The following MEX3C variants were observed in gnomAD, a reference collection of about 807,000 sequenced individuals.
MEX3C encodes the protein mex-3 RNA binding family member C.
MEX3C carries 15 observed loss-of-function variants against 35.5 expected under a neutral mutation model. The ratio of observed to expected loss-of-function variants is 0.42; its 90% CI spans 0.28 to 0.65. The LOEUF is 0.65. Ranked by LOEUF, MEX3C falls within the 30% of genes least tolerant of loss-of-function variation. MEX3C has a pLI of 0.20. For synonymous variants in MEX3C, 390 were observed against 352.8 expected, an observed-to-expected ratio of 1.11 and a Z score of -1.18; for missense variants, 711 against 842.8, an observed-to-expected ratio of 0.84 and a Z score of 1.94.
intron 1 of MEX3C, chr18:51,196,330 G>A: frequency 1.1e-6 from 1 of 904,012 alleles, no homozygotes; most frequent in Middle Eastern, 3.6e-4. Context: ...AACACCACCG[G>A]ACTGGGTCGC....
chr18:51,180,426 G>C (rs1912399606), intron 1 of MEX3C, among the ~76,000 whole-genome samples: 1 of 152,076 alleles, frequency 6.6e-6, no homozygotes, highest in South Asian at 2.1e-4. Flanking sequence ...TGTTTATTAG[G>C]TTTTGCAGAT....
At chr18:51,196,272 T>C in intron 1 of MEX3C, 1 of 540,208 alleles carries the variant, frequency 1.9e-6, no homozygotes. Flanking sequence ...CTGAGGTTTC[T>C]GGTGCCACGC....
chr18:51,197,273 G>GGCCGGGGCCGCC lies in MEX3C; in HGVS notation c.36_47dup (p.Ala13_Ala16dup). 1 of 845,450 alleles carries GGCCGGGGCCGCC rather than the reference G, an allele frequency of 1.2e-6. No individual in the cohort carries two copies. The highest frequency in any genetic ancestry group is 1.4e-6 in the Non-Finnish European group (1 of 704,822). 52.4% of individuals were successfully genotyped at this position (845,450 alleles called of 1,614,324 possible). The stretch of plus-strand genomic sequence containing the variant: ...GCGGCGGGGGCGGCTGCGGCAGGGG[G>GGCCGGGGCCGCC]GCCGGGGCCGCCGCCAGGGCCAGGG... On this transcript the variant is annotated inframe_insertion, in exon 1 of 2. Coordinates refer to ENST00000406189, the MANE Select transcript of MEX3C (RefSeq NM_016626.5).
intron 1 of MEX3C, among the ~76,000 whole-genome samples, chr18:51,189,937 A>G (rs1280916824): frequency 1.3e-5 from 2 of 152,218 alleles, no homozygotes; most frequent in African/African-American, 2.4e-5. Context: ...TACTAAAATG[A>G]CATTTTTTGG....
In MEX3C at chr18:51,176,807, A is replaced by C. The variant is rs142940707; in HGVS notation, c.1524T>G (p.Thr508=). 802 of 1,613,998 alleles carry C rather than the reference A, an allele frequency of 5.0e-4. 2 individuals carry two copies. Among genetic ancestry groups the C allele is most frequent in the Non-Finnish European group, 4.7e-4 (554 of 1,179,886 alleles). ...AFDSLPTSAQ[T]IWTPFEPVNP... ...TAACTGGTTCAAATGGAGTCCAGAT[A>C]GTTTGAGCAGATGTTGGTAAAGAGT... is the stretch of plus-strand genomic sequence containing the variant. The change falls in exon 2 of 2, where the codon ACT becomes ACG. Residue 508 remains threonine, a synonymous_variant. Coordinates refer to ENST00000406189, the MANE Select transcript of MEX3C (RefSeq NM_016626.5).
At chr18:51,191,130 CTG>C (rs1912641413) in intron 1 of MEX3C, among the ~76,000 whole-genome samples, 1 of 152,160 alleles carries the variant, frequency 6.6e-6, no homozygotes, top group African/African-American at 2.4e-5. Flanking sequence ...AGGAATGACA[CTG>C]TTTAGAATTC....
chr18:51,185,087 T>C (rs1292941413), intron 1 of MEX3C, among the ~76,000 whole-genome samples: 1 of 152,242 alleles, frequency 6.6e-6, no homozygotes, highest in African/African-American at 2.4e-5. Flanking sequence ...TTTTACAGTT[T>C]GGTGGGTCAG....
intron 1 of MEX3C, among the ~76,000 whole-genome samples, chr18:51,181,120 T>C (rs1912419330): frequency 6.6e-6 from 1 of 152,216 alleles, no homozygotes; most frequent in African/African-American, 2.4e-5. Flanking sequence ...AACTCGAAGA[T>C]ATTTTTAAAA....
rs1416222598 is a variant in MEX3C at position 51,176,645 on chromosome 18, GCTC to G, written c.1683_1685del (p.Arg561del). ...CATGGTTGCCTGTACTAGGTGGGTC[GCTC>G]CTAACCCTCCGAGCAAGTGGATGTT... On this transcript the variant is annotated inframe_deletion, in exon 2 of 2. Transcript: ENST00000406189. 6.2e-7 allele frequency: 1 copy of G among 1,613,872 alleles called. No homozygotes were observed. The highest frequency in any genetic ancestry group is 8.5e-7 in the Non-Finnish European group (1 of 1,179,902).
At chr18:51,189,386 T>C (rs11873588) in intron 1 of MEX3C, among the ~76,000 whole-genome samples, 66,103 of 151,882 alleles carry the variant, frequency 0.44, 15,094 homozygotes, top group East Asian at 0.57. Flanking sequence ...AAGCCTAAAA[T>C]TGTCCAGTTA....
chr18:51,196,647 A>C lies in MEX3C; in HGVS notation c.674T>G (p.Leu225Arg). 1.9e-6 allele frequency: 3 copies of C among 1,575,868 alleles called. No homozygotes were observed. Among genetic ancestry groups the C allele is most frequent in the Non-Finnish European group, 2.6e-6 (3 of 1,166,922 alleles). Residue 225 changes from leucine (L) to arginine (R), a missense_variant, in exon 1 of 2, where the codon CTC (leucine) becomes CGC (arginine). Leu to Arg is a moderately radical substitution (Grantham distance 102). Around this residue, in one of 4 missense-constraint regions of MEX3C, gnomAD observed 354 missense variants for 311.6 expected, o/e 1.14. Coordinates refer to ENST00000406189, the MANE Select transcript of MEX3C (RefSeq NM_016626.5). ...AALNGEQAAL[L>R]RRKSVNTTEC... The stretch of plus-strand genomic sequence containing the variant: ...GGTGGTGTTGACGCTCTTTCTCCGG[A>C]GCAGGGCCGCCTGCTCCCCGTTCAG...
intron 1 of MEX3C, among the ~76,000 whole-genome samples, chr18:51,186,920 AT>A (rs1387721831): frequency 6.6e-6 from 1 of 152,252 alleles, no homozygotes; most frequent in African/African-American, 2.4e-5. Context: ...TCACAACTGC[AT>A]TATGTGTATA....
At chr18:51,195,138 C>G (rs1163722092) in intron 1 of MEX3C, 1 of 152,224 alleles carries the variant, frequency 6.6e-6, no homozygotes, top group Non-Finnish European at 1.5e-5. Context: ...AGTGTTCTTA[C>G]ATGAATGGTC....
In MEX3C at chr18:51,177,407, GT is replaced by G. The variant is rs768313160; in HGVS notation, c.923del (p.Asn308ThrfsTer31). 1 of 1,613,926 alleles carries G rather than the reference GT, an allele frequency of 6.2e-7. No individual in the cohort carries two copies. The highest frequency in any genetic ancestry group is 8.5e-7 in the Non-Finnish European group (1 of 1,179,856). On this transcript the variant is annotated frameshift_variant, in exon 2 of 2. Coordinates refer to ENST00000406189, the MANE Select transcript of MEX3C (RefSeq NM_016626.5). LOFTEE classifies it high-confidence loss of function. This position sits in a 1 kb window ranked among gnomAD's most constrained non-coding sequence, Gnocchi z 4.2. ...EHFSMIRASR[N>X]KNGPALGGLS... Reference sequence around the variant, plus strand: ...ATCCTCCCAGGGCAGGCCCATTTTTGTTTCGAGATGCACGAATCATGGAGAA... The same window carrying G: ...ATCCTCCCAGGGCAGGCCCATTTTTGTTCGAGATGCACGAATCATGGAGAA...
chr18:51,181,522 G>T (rs1000905267), intron 1 of MEX3C, among the ~76,000 whole-genome samples: 2 of 152,164 alleles, frequency 1.3e-5, no homozygotes, highest in Non-Finnish European at 2.9e-5. Flanking sequence ...GTAAAGAGTG[G>T]GGAAAAGAAC....
rs1356741666 is a variant in MEX3C at position 51,177,616 on chromosome 18, T to C, written c.755-40A>G. 1.3e-6 allele frequency: 2 copies of C among 1,534,820 alleles called. No individual in the cohort carries two copies. The highest frequency in any genetic ancestry group is 2.6e-5 in the South Asian group (2 of 77,740). ...ACATTTCATAAGAATCAACATCTACTTCAATGATATATATAAAGACAAATC... is the reference window on the plus strand; with the variant it reads ...ACATTTCATAAGAATCAACATCTACCTCAATGATATATATAAAGACAAATC... On this transcript the variant is annotated intron_variant, in intron 1 of 1. Coordinates refer to ENST00000406189, the MANE Select transcript of MEX3C (RefSeq NM_016626.5). This position sits in a 1 kb window ranked among gnomAD's most constrained non-coding sequence, Gnocchi z 4.2.
At chr18:51,190,914 G>C (rs1912637469) in intron 1 of MEX3C, among the ~76,000 whole-genome samples, 1 of 152,096 alleles carries the variant, frequency 6.6e-6, no homozygotes, top group Non-Finnish European at 1.5e-5. Context: ...TAAGCTACTT[G>C]GGAAGCATTA....
At chr18:51,187,469 T>G (rs1912566380) in intron 1 of MEX3C, among the ~76,000 whole-genome samples, 1 of 152,190 alleles carries the variant, frequency 6.6e-6, no homozygotes, top group Non-Finnish European at 1.5e-5. Context: ...TTCGTTTGTT[T>G]TTTGCAAAGA....
At chr18:51,189,583 A>C (rs1191711390) in intron 1 of MEX3C, among the ~76,000 whole-genome samples, 1 of 152,216 alleles carries the variant, frequency 6.6e-6, no homozygotes, top group African/African-American at 2.4e-5. Context: ...CAAGACAATA[A>C]AAAATATTTA....
Sources: gnomAD v4.1 joint callset for allele counts (sites outside exome capture counted in the v4.1 genomes callset) on GRCh38, gnomAD v4.1.1 for gene constraint, gnomAD v4.1.1 regional missense constraint, Gnocchi (gnomAD v3.1) non-coding constraint, MANE v1.5 for transcripts, NCBI Gene and HGNC (gene_info 2026-07-23, HGNC 2026-07-21) for gene names.